Variants in ZNF317 observed in about 807,000 individuals in gnomAD.
ZNF317 encodes zinc finger protein 317.
Under a neutral mutation model 23.4 loss-of-function variants are expected in ZNF317, and 17 were observed. The ratio of observed to expected loss-of-function variants is 0.73; its 90% CI spans 0.50 to 1.09. The LOEUF (loss-of-function observed/expected upper bound fraction) is 1.09. ZNF317 is among the 50% of genes least tolerant of loss of function. The pLI is 0.00. For missense variants in ZNF317, 679 were observed against 796.7 expected (o/e 0.85, Z 1.78); for synonymous variants, 317 against 314.9 (o/e 1.01, Z -0.07).
At chr19:9,155,901 C>G in intron 1 of ZNF317, 24 bp from the exon 2 acceptor site, 1 of 1,319,466 alleles carries the variant, frequency 7.6e-7, no homozygotes, top group Admixed American at 1.7e-5. Context: ...TTCACTACTC[C>G]CGATGTTCTT....
intron 1 of ZNF317, among the ~76,000 whole-genome samples, chr19:9,149,665 T>C (rs1300140545): frequency 1.3e-5 from 2 of 151,850 alleles, no homozygotes; most frequent in African/African-American, 4.8e-5. Context: ...GAGGCTTCTG[T>C]GGCTTGGGTG....
At chr19:9,156,465 G>A in intron 2 of ZNF317, 147 bp from the exon 3 acceptor site, 1 of 1,085,944 alleles carries the variant, frequency 9.2e-7, no homozygotes, top group Non-Finnish European at 1.3e-6. Context: ...AAACTGATGT[G>A]TGCAAGAGAG....
intron 1 of ZNF317, among the ~76,000 whole-genome samples, chr19:9,149,909 G>A (rs1302101362): frequency 6.6e-6 from 1 of 152,202 alleles, no homozygotes; most frequent in Non-Finnish European, 1.5e-5. Context: ...TGCCAAGGCA[G>A]TAGCAGTGTA....
At chr19:9,157,558 C>A in intron 4 of ZNF317, 164 bp downstream of exon 4, 1 of 860,428 alleles carries the variant, frequency 1.2e-6, no homozygotes, top group Non-Finnish European at 1.7e-6. Context: ...CGAGGCCCAT[C>A]TATTGCAGGG....
chr19:9,147,539 A>G (rs960446031), intron 1 of ZNF317, among the ~76,000 whole-genome samples: 8 of 151,052 alleles, frequency 5.3e-5, no homozygotes, highest in African/African-American at 1.9e-4. Context: ...ATGGGGTTTC[A>G]CCATTCACAG....
At chr19:9,153,823 C>T (rs1390652491) in intron 1 of ZNF317, among the ~76,000 whole-genome samples, 5 of 152,124 alleles carry the variant, frequency 3.3e-5, no homozygotes, top group Admixed American at 6.5e-5. Context: ...TTCACTGACA[C>T]GGGAGTAAAT....
intron 1 of ZNF317, among the ~76,000 whole-genome samples, chr19:9,150,279 CA>C (rs1486155877): frequency 6.6e-6 from 1 of 152,136 alleles, no homozygotes; most frequent in Non-Finnish European, 1.5e-5. Flanking sequence ...CGTCAGTGGT[CA>C]TTTTATTTTA....
intron 4 of ZNF317, 191 bp downstream of exon 4, chr19:9,157,585 G>A (rs3829682): frequency 0.2 from 144,872 of 714,152 alleles, 16,378 homozygotes; most frequent in African/African-American, 0.37. Context: ...GTGGTTCTCC[G>A]GTGTGTGTCT....
chr19:9,160,293 C>T lies in ZNF317; in HGVS notation c.648C>T (p.Tyr216=), dbSNP rs373839989. Residue 216 remains tyrosine (Y), a synonymous_variant, in exon 7 of 7, where the codon TAC becomes TAT. Transcript: ENST00000247956. The surrounding 1 kb of genome is among the most constrained non-coding windows in gnomAD (Gnocchi z 6.8). The stretch of plus-strand genomic sequence containing the variant: ...ACCTCACTCAGCACATGAGCATGTA[C>T]GACGGGAGAAAAATGCATGAATGTC... The part of the protein sequence containing the change: ...RPHLTQHMSM[Y]DGRKMHECHQ... 1.0e-4 allele frequency: 167 copies of T among 1,614,026 alleles called. No individual in the cohort carries two copies. Among genetic ancestry groups the T allele is most frequent in the Non-Finnish European group, 1.3e-4 (156 of 1,180,038 alleles).
At position 9,157,307 on chromosome 19, in the gene ZNF317, G is replaced by A. The variant is rs759490460; in HGVS notation, c.202G>A (p.Glu68Lys). The A allele has an allele frequency of 9.9e-6, 16 of 1,614,090 alleles. No individual in the cohort carries two copies. The highest frequency in any genetic ancestry group is 4.5e-5 in the East Asian group (2 of 44,884). Residue 68 changes from glutamate to lysine, a missense_variant, in exon 4 of 7, where the codon GAG (glutamate) becomes AAG (lysine). Transcript: ENST00000247956. ...TFQDVAVDFTEKEWPLLDSSQ... is the reference protein window; with the variant it reads ...TFQDVAVDFTKKEWPLLDSSQ... ...CCAAGATGTCGCTGTGGACTTTACC[G>A]AGAAGGAGTGGCCCTTGCTGGATTC... is the stretch of plus-strand genomic sequence containing the variant.
At position 9,160,094 on chromosome 19, in the gene ZNF317, A is replaced by C; in HGVS notation, c.469-20A>C. On this transcript the variant is annotated intron_variant, in intron 6 of 6. Transcript: ENST00000247956. This position sits in a 1 kb window ranked among gnomAD's most constrained non-coding sequence, Gnocchi z 6.8. ...GAATATGAGAATTGCCTTTGTCAGC[A>C]CTTACGTCTTAACCAACAGGAAAGA... The C allele has an allele frequency of 1.2e-6, 2 of 1,613,000 alleles. No homozygotes were observed. Among genetic ancestry groups the C allele is most frequent in the South Asian group, 1.1e-5 (1 of 91,064 alleles).
At position 9,161,949 on chromosome 19, in the gene ZNF317, A is replaced by G. The variant is rs2050862793; in HGVS notation, c.*516A>G. 1 of 153,178 alleles carries G rather than the reference A, an allele frequency of 6.5e-6. No homozygotes were observed. The highest frequency in any genetic ancestry group is 2.4e-5 in the African/African-American group (1 of 41,460). The allele number at this position is 153,178 out of a possible 1,614,324, so 9.5% of individuals were successfully genotyped here. A position where few individuals can be genotyped will look rare whatever the true frequency, so the allele number is the denominator to read the frequency against. On this transcript the variant is annotated 3_prime_UTR_variant, in exon 7 of 7. Coordinates refer to ENST00000247956, the MANE Select transcript of ZNF317 (RefSeq NM_020933.5). This position sits in a 1 kb window ranked among gnomAD's most constrained non-coding sequence, Gnocchi z 4.0. ...CATGAATGGGCCGCAAACCACGGCC[A>G]GCTGCTTGTCTTTGTATGGCTTGCC...
chr19:9,157,769 G>A lies in ZNF317; in HGVS notation c.290-211G>A, dbSNP rs1265000776. 1.8e-5 allele frequency: 23 copies of A among 1,298,618 alleles called. No individual in the cohort carries two copies. The South Asian group carries it at 2.1e-4, about 12-fold the overall frequency. 80.4% of individuals were successfully genotyped at this position (1,298,618 alleles called of 1,614,324 possible). On this transcript the variant is annotated intron_variant, in intron 4 of 6. Coordinates refer to ENST00000247956, the MANE Select transcript of ZNF317 (RefSeq NM_020933.5). Reference sequence around the variant, plus strand: ...ATCTTGAACTCCTGGCTACAGGCACGAGCCACCATGCTTTGCCTGTGGTTT... The same window carrying A: ...ATCTTGAACTCCTGGCTACAGGCACAAGCCACCATGCTTTGCCTGTGGTTT...
chr19:9,149,710 G>A (rs574690438), intron 1 of ZNF317, among the ~76,000 whole-genome samples: 4 of 152,044 alleles, frequency 2.6e-5, no homozygotes, highest in African/African-American at 7.2e-5. Flanking sequence ...TGGGTGAGGC[G>A]GCAGGGACCT....
chr19:9,147,370 C>T (rs371626980), intron 1 of ZNF317, among the ~76,000 whole-genome samples: 7 of 128,354 alleles, frequency 5.5e-5, no homozygotes, highest in African/African-American at 2.1e-4. Context: ...GATGGAGTCT[C>T]GCTCTGTCGC....
chr19:9,161,627 G>T lies in ZNF317; in HGVS notation c.*194G>T. ...GGAGGTTTGTGAGAACTCACGCCGG[G>T]GGTGAAAATGTACGTCTGTAGCATG... is the stretch of plus-strand genomic sequence containing the variant. On this transcript the variant is annotated 3_prime_UTR_variant, in exon 7 of 7. Transcript: ENST00000247956. This position sits in a 1 kb window ranked among gnomAD's most constrained non-coding sequence, Gnocchi z 4.0. The T allele has an allele frequency of 1.4e-6, 1 of 719,774 alleles. No individual in the cohort carries two copies. 44.6% of individuals were successfully genotyped at this position (719,774 alleles called of 1,614,324 possible).
In ZNF317 at chr19:9,158,363, C is replaced by CTTTTTTTTTTTTTTTTTTTTTTT. The variant is rs200591339; in HGVS notation, c.385+294_385+316dup. On this transcript the variant is annotated intron_variant, in intron 5 of 6. Transcript: ENST00000247956. ...CTGAATTGCCTTAAATTTCTTTTTT[C>CTTTTTTTTTTTTTTTTTTTTTTT]TTTTTTTTTTTTTTTTTTTTTTTTT... Among the ~76,000 whole-genome samples the CTTTTTTTTTTTTTTTTTTTTTTT allele has an allele frequency of 6.9e-4, 53 of 76,536 alleles. 14 individuals are homozygous for CTTTTTTTTTTTTTTTTTTTTTTT. The highest frequency in any genetic ancestry group is 1.6e-3 in the African/African-American group (25 of 15,676). 50.2% of individuals were successfully genotyped at this position (76,536 alleles called of 152,430 possible). A position where few individuals can be genotyped will look rare whatever the true frequency, so the allele number is the denominator to read the frequency against.
At chr19:9,159,948 T>C (rs975434795) in intron 6 of ZNF317, among the ~76,000 whole-genome samples, 166 bp from the exon 7 acceptor site, 1 of 152,244 alleles carries the variant, frequency 6.6e-6, no homozygotes, top group Admixed American at 6.5e-5. Flanking sequence ...TTGTCCTTGA[T>C]GGAGCTCAAA....
Position 9,160,558 on chromosome 19 carries a change from C to A in ZNF317, c.913C>A (p.Pro305Thr). ...CATGCGAGTTCACACTGGCGAGAGG[C>A]CTTACAAGTGTGATCAGTGCGGGAA... ...IHMRVHTGER[P>T]YKCDQCGKAY... The change falls in exon 7 of 7, where the codon CCT (proline) becomes ACT (threonine). Residue 305 changes from proline (P) to threonine (T), a missense_variant. Coordinates refer to ENST00000247956, the MANE Select transcript of ZNF317 (RefSeq NM_020933.5). This position sits in a 1 kb window ranked among gnomAD's most constrained non-coding sequence, Gnocchi z 6.8. 2 of 1,614,184 alleles carry A rather than the reference C, an allele frequency of 1.2e-6. No homozygotes were observed. The highest frequency in any genetic ancestry group is 1.7e-6 in the Non-Finnish European group (2 of 1,180,038).
Sources: allele counts gnomAD v4.1 joint callset (sites outside exome capture counted in the v4.1 genomes callset), GRCh38; gene constraint gnomAD v4.1.1; non-coding constraint Gnocchi (gnomAD v3.1); transcripts MANE v1.5; gene names NCBI Gene and HGNC (gene_info 2026-07-23, HGNC 2026-07-21).